The following OPHN1 variants were observed in gnomAD, a reference collection of about 807,000 sequenced individuals.
OPHN1 encodes oligophrenin 1.
Under a neutral mutation model 60.7 loss-of-function variants are expected in OPHN1, and 11 were observed. The observed-to-expected ratio is 0.18, with a 90% CI of 0.11 to 0.30. The LOEUF (loss-of-function observed/expected upper bound fraction) is 0.30. Among genes scored for constraint, OPHN1 ranks in the 10% least tolerant of loss-of-function variants. OPHN1 has a pLI of 1.00. For missense variants in OPHN1, 449 were observed against 611.0 expected, an observed-to-expected ratio of 0.73 and a Z score of 2.80; for synonymous variants, 226 against 222.6, an observed-to-expected ratio of 1.02 and a Z score of -0.14.
intron 2 of OPHN1, among the ~76,000 whole-genome samples, chrX:68,317,227 G>A (rs979113010): frequency 3.8e-5 from 4 of 105,772 alleles, no homozygotes; most frequent in South Asian, 8.7e-4. Context: ...CTGAGCCCAG[G>A]AGGTCGAGGC....
At chrX:68,226,478 G>A in intron 6 of OPHN1, among the ~76,000 whole-genome samples, 1 of 111,374 alleles carries the variant, frequency 9.0e-6, no homozygotes, top group Non-Finnish European at 1.9e-5. Context: ...GGCAGCCAGA[G>A]AGAAAGGTCA....
At chrX:68,370,366 G>A (rs914699361) in intron 2 of OPHN1, among the ~76,000 whole-genome samples, 2 of 110,051 alleles carry the variant, frequency 1.8e-5, no homozygotes, top group Admixed American at 9.8e-5. Flanking sequence ...AATTAGCTGG[G>A]TGTGGTGGTA....
intron 6 of OPHN1, among the ~76,000 whole-genome samples, chrX:68,217,949 GAGA>G (rs1247161086): frequency 9.7e-6 from 1 of 103,461 alleles, no homozygotes; most frequent in African/African-American, 3.3e-5. Flanking sequence ...GACGAGCTGA[GAGA>G]AGAAGGCTTC....
At chrX:68,214,143 G>A (rs1206443970) in intron 6 of OPHN1, among the ~76,000 whole-genome samples, 171 bp from the exon 7 acceptor site, 1 of 112,140 alleles carries the variant, frequency 8.9e-6, no homozygotes, top group Non-Finnish European at 1.9e-5. Flanking sequence ...AAAAGTGACT[G>A]ATACAGGATT....
chrX:68,147,348 G>T (rs187541320), intron 15 of OPHN1, among the ~76,000 whole-genome samples: 26 of 111,974 alleles, frequency 2.3e-4, no homozygotes, highest in African/African-American at 8.4e-4. Context: ...TTCCCAGTTT[G>T]CCTTGATCAT....
At chrX:68,068,402 C>T (rs1474733829) in intron 20 of OPHN1, among the ~76,000 whole-genome samples, 4 of 89,067 alleles carry the variant, frequency 4.5e-5, no homozygotes, top group Non-Finnish European at 8.3e-5. Context: ...ACCTGGCAGG[C>T]GGAGGTTGCA....
upstream of OPHN1, chrX:68,433,713 G>C: frequency 3.4e-6 from 1 of 297,430 alleles, no homozygotes; most frequent in Non-Finnish European, 5.9e-6. Flanking sequence ...CGTCCTTTTA[G>C]GCGCCGGAAG....
At chrX:68,184,260 G>A (rs1450586566) in intron 15 of OPHN1, among the ~76,000 whole-genome samples, 1 of 112,073 alleles carries the variant, frequency 8.9e-6, no homozygotes, top group African/African-American at 3.2e-5. Flanking sequence ...TGTGGCTCAT[G>A]CCTGTAATCC....
Position 68,147,063 on chromosome X carries a change from A to G in OPHN1, c.1277-27731T>C, listed in dbSNP as rs761549928. Among the ~76,000 whole-genome samples the G allele has an allele frequency of 8.9e-5, 10 of 112,188 alleles. No individual in the cohort carries two copies. In the Admixed American group the frequency reaches 9.5e-4, roughly 11 times the overall value. On this transcript the variant is annotated intron_variant, in intron 15 of 24. Coordinates refer to ENST00000355520, the MANE Select transcript of OPHN1 (RefSeq NM_002547.3). Reference sequence around the variant, plus strand: ...GAAGATGACTGAAAGAACATGAGTAACATGTTAGAACTGCAAGACCCCTTC... The same window carrying G: ...GAAGATGACTGAAAGAACATGAGTAGCATGTTAGAACTGCAAGACCCCTTC...
At chrX:68,299,364 C>T (rs1192366523) in intron 2 of OPHN1, among the ~76,000 whole-genome samples, 1 of 112,144 alleles carries the variant, frequency 8.9e-6, no homozygotes, top group Non-Finnish European at 1.9e-5. Context: ...TCCTCTCTGA[C>T]CTGTTCCACT....
intron 2 of OPHN1, among the ~76,000 whole-genome samples, chrX:68,317,571 GAAAGAGAA>G (rs1278385703): frequency 8.8e-5 from 7 of 79,791 alleles, no homozygotes; most frequent in African/African-American, 2.7e-4. Context: ...AAGAAAGAAA[GAAAGAGAA>G]AGAAAGAAAG....
chrX:68,331,004 T>A (rs2147675426), intron 2 of OPHN1, among the ~76,000 whole-genome samples: 1 of 105,229 alleles, frequency 9.5e-6, no homozygotes, highest in African/African-American at 3.4e-5. Context: ...AAACAACAAA[T>A]GTATACATCT....
rs1173825129 is a variant in OPHN1, at chrX:68,317,519, GAAAGAAAGAAAGAAAGAAAA to G, written c.155-18443_155-18424del. ...GGAGAGAGGGAGGGAAAGAGAGAGA[GAAAGAAAGAAAGAAAGAAAA>G]AAAGAAAGAAAGAAAGAAAGAAAGA... On this transcript the variant is annotated intron_variant, in intron 2 of 24. Coordinates refer to ENST00000355520, the MANE Select transcript of OPHN1 (RefSeq NM_002547.3). Among the ~76,000 whole-genome samples, 164 of 46,495 alleles carry G rather than the reference GAAAGAAAGAAAGAAAGAAAA, an allele frequency of 3.5e-3. 4 individuals are homozygous for G. Among genetic ancestry groups the G allele is most frequent in the African/African-American group, 0.029 (151 of 5,239 alleles). 40.4% of individuals were successfully genotyped at this position (46,495 alleles called of 115,157 possible). A position where few individuals can be genotyped will look rare whatever the true frequency, so the allele number is the denominator to read the frequency against.
At chrX:68,131,344 G>T (rs1010466456) in intron 15 of OPHN1, among the ~76,000 whole-genome samples, 12 of 109,217 alleles carry the variant, frequency 1.1e-4, no homozygotes, top group Non-Finnish European at 1.9e-4. Flanking sequence ...TCAGCCTCCC[G>T]AGTAGCTGGG....
At chrX:68,391,464 G>A (rs920267001) in intron 2 of OPHN1, among the ~76,000 whole-genome samples, 5 of 111,020 alleles carry the variant, frequency 4.5e-5, no homozygotes, top group Non-Finnish European at 9.4e-5. Context: ...ACCCTTGTCC[G>A]TCAGCCCCCA....
intron 2 of OPHN1, among the ~76,000 whole-genome samples, chrX:68,414,768 C>G (rs776591929): frequency 9.0e-6 from 1 of 111,500 alleles, no homozygotes; most frequent in African/African-American, 3.3e-5. Context: ...ATTCTGGCAA[C>G]TAAATGCCAT....
At chrX:68,127,331 A>G (rs1465071721) in intron 15 of OPHN1, among the ~76,000 whole-genome samples, 1 of 111,900 alleles carries the variant, frequency 8.9e-6, no homozygotes, top group Admixed American at 9.5e-5. Context: ...TGCAAATGAT[A>G]ATGAAGGACA....
At chrX:68,384,561 A>G (rs1391129227) in intron 2 of OPHN1, among the ~76,000 whole-genome samples, 1 of 111,217 alleles carries the variant, frequency 9.0e-6, no homozygotes, top group Non-Finnish European at 1.9e-5. Flanking sequence ...CTCTACTGAA[A>G]AACTACAAAA....
At chrX:68,243,113 T>C (rs1307745059) in intron 5 of OPHN1, among the ~76,000 whole-genome samples, 7 of 110,815 alleles carry the variant, frequency 6.3e-5, no homozygotes, top group African/African-American at 2.3e-4. Context: ...GATCTGCCCA[T>C]CTCGGCCTCC....
Sources: allele counts gnomAD v4.1 joint callset (sites outside exome capture counted in the v4.1 genomes callset), GRCh38; gene constraint gnomAD v4.1.1; transcripts MANE v1.5; gene names NCBI Gene and HGNC (gene_info 2026-07-23, HGNC 2026-07-21).